Variants in CR1 observed in about 807,000 individuals in gnomAD.
CR1 encodes complement receptor type 1.
Under a neutral mutation model 187.3 loss-of-function variants are expected in CR1, and 116 were observed. The observed-to-expected ratio is 0.62, with a 90% confidence interval of 0.53 to 0.72. CR1 has a LOEUF of 0.72. Ranked by LOEUF, CR1 falls within the 30% of genes least tolerant of loss-of-function variation. The pLI is 0.00. For missense variants in CR1, 1,731 were observed against 2,110.7 expected (o/e 0.82, Z 3.52); for synonymous variants, 576 against 747.1 (o/e 0.77, Z 3.73).
intron 32 of CR1, among the ~76,000 whole-genome samples, chr1:207,582,695 T>C (rs1044792407): frequency 6.6e-6 from 1 of 152,054 alleles, no homozygotes; most frequent in South Asian, 2.1e-4. Context: ...AGGATAGCAA[T>C]TGGGAAAGGT....
chr1:207,622,476 CT>C (rs1662341660), intron 44 of CR1, among the ~76,000 whole-genome samples: 1 of 152,182 alleles, frequency 6.6e-6, no homozygotes, highest in African/African-American at 2.4e-5. Context: ...GCATATTACT[CT>C]TACATCCCTT....
At chr1:207,597,864 G>A (rs1008547808) in intron 35 of CR1, among the ~76,000 whole-genome samples, 3 of 152,180 alleles carry the variant, frequency 2.0e-5, no homozygotes, top group Admixed American at 1.3e-4. Flanking sequence ...ACGAGCAGAT[G>A]AATGGATAAA....
intron 35 of CR1, among the ~76,000 whole-genome samples, chr1:207,591,044 C>T (rs141282494): frequency 0.015 from 2,221 of 152,172 alleles, 33 homozygotes; most frequent in Middle Eastern, 0.044. Context: ...GACAGGTCAA[C>T]GAGACAGAAA....
chr1:207,593,689 A>C (rs989975300), intron 35 of CR1, among the ~76,000 whole-genome samples: 1 of 152,236 alleles, frequency 6.6e-6, no homozygotes, highest in Non-Finnish European at 1.5e-5. Flanking sequence ...AGAATGGGAG[A>C]AAATTTTTGC....
chr1:207,628,766 T>A (rs535280183), intron 45 of CR1, among the ~76,000 whole-genome samples: 1 of 152,352 alleles, frequency 6.6e-6, no homozygotes, highest in African/African-American at 2.4e-5. Flanking sequence ...CAATATTCTT[T>A]TTCTCCCTAT....
In CR1 at chr1:207,566,926, A is replaced by G. The variant is rs1485551718; in HGVS notation, c.3953-898A>G. Reference sequence around the variant, plus strand: ...ATTTTTAGAGTAAAATTTTGGAAGAACATAACTTATATAGAGATTCTTGCT... The same window carrying G: ...ATTTTTAGAGTAAAATTTTGGAAGAGCATAACTTATATAGAGATTCTTGCT... On this transcript the variant is annotated intron_variant, in intron 24 of 46. Transcript: ENST00000367049. 8.0e-5 allele frequency among the ~76,000 whole-genome samples: 12 copies of G among 150,470 alleles called. No homozygotes were observed. The South Asian group carries it at 2.5e-3, about 31-fold the overall frequency.
chr1:207,577,207 C>A (rs1210042132), intron 28 of CR1, among the ~76,000 whole-genome samples: 1 of 150,308 alleles, frequency 6.7e-6, no homozygotes, highest in Admixed American at 6.6e-5. Flanking sequence ...GCTGAGATCA[C>A]GCCACTGCAC....
At chr1:207,573,095 C>A (rs534596557) in intron 27 of CR1, among the ~76,000 whole-genome samples, 3 of 151,946 alleles carry the variant, frequency 2.0e-5, no homozygotes, top group South Asian at 4.1e-4. Context: ...GGGGGAGACA[C>A]AATTCAACCT....
At chr1:207,522,987 G>T (rs1279993719) in intron 4 of CR1, among the ~76,000 whole-genome samples, 1 of 152,102 alleles carries the variant, frequency 6.6e-6, no homozygotes, top group African/African-American at 2.4e-5. Context: ...TTGATGAAAT[G>T]AGTTGGTAAG....
In CR1 at chr1:207,588,668, C is replaced by T. The variant is rs1661182380; in HGVS notation, c.5711-7C>T. The T allele has an allele frequency of 1.2e-6, 2 of 1,600,836 alleles. No homozygotes were observed. Among genetic ancestry groups the T allele is most frequent in the South Asian group, 1.1e-5 (1 of 90,368 alleles). Reference sequence around the variant, plus strand: ...TATTTAATCCCAAATTCTGCTTCTTCCCCTAGGAAAATCATGTGGACCTCC... The same window carrying T: ...TATTTAATCCCAAATTCTGCTTCTTTCCCTAGGAAAATCATGTGGACCTCC... On this transcript the variant is annotated splice_region_variant and splice_polypyrimidine_tract_variant and intron_variant, in intron 34 of 46. Coordinates refer to ENST00000367049, the MANE Select transcript of CR1 (RefSeq NM_000651.6).
intron 40 of CR1, 49 bp from the exon 41 acceptor site, chr1:207,616,526 A>G (rs760771741): frequency 1.3e-6 from 2 of 1,586,148 alleles, no homozygotes; most frequent in Non-Finnish European, 1.7e-6. Flanking sequence ...TGTTTCAGTC[A>G]TCTTAAGTGA....
chr1:207,580,238 A>C lies in CR1; in HGVS notation c.4937-2A>C, dbSNP rs1660890298. ...AGTACTCTGGAACTGTCCTTTCCAC[A>C]GTGTGTCAGCCGCCTCCAGAAATCC... On this transcript the variant is annotated splice_acceptor_variant, in intron 29 of 46. Transcript: ENST00000367049. LOFTEE classifies it high-confidence loss of function. 5 of 1,613,550 alleles carry C rather than the reference A, an allele frequency of 3.1e-6. No homozygotes were observed. Among genetic ancestry groups the C allele is most frequent in the Non-Finnish European group, 4.2e-6 (5 of 1,179,598 alleles).
At chr1:207,576,630 C>G (rs1163463928) in intron 28 of CR1, among the ~76,000 whole-genome samples, 1 of 152,098 alleles carries the variant, frequency 6.6e-6, no homozygotes, top group Non-Finnish European at 1.5e-5. Flanking sequence ...CCAGCCTGTA[C>G]AACATGGTGA....
rs1456361309 is a variant in CR1 at position 207,567,715 on chromosome 1, G to C, written c.3953-109G>C. 1.0e-4 allele frequency: 141 copies of C among 1,406,698 alleles called. 5 individuals carry two copies. In the South Asian group the frequency reaches 1.7e-3, roughly 17 times the overall value. 87.1% of individuals were successfully genotyped at this position (1,406,698 alleles called of 1,614,324 possible). A position where few individuals can be genotyped will look rare whatever the true frequency, so the allele number is the denominator to read the frequency against. On this transcript the variant is annotated intron_variant, in intron 24 of 46. Transcript: ENST00000367049. ...ACTCTTCAAAGTCCTAATGTCTACT[G>C]TCATCTCCTTAGCATATTTTCAGCA... is the stretch of plus-strand genomic sequence containing the variant.
At chr1:207,633,142 T>C (rs1419461570) in intron 46 of CR1, among the ~76,000 whole-genome samples, 4 of 152,216 alleles carry the variant, frequency 2.6e-5, no homozygotes, top group Non-Finnish European at 4.4e-5. Context: ...CTAAATTCCC[T>C]GAACCCAGCT....
At chr1:207,498,265 A>G (rs1294018361) in intron 1 of CR1, among the ~76,000 whole-genome samples, 1 of 152,246 alleles carries the variant, frequency 6.6e-6, no homozygotes, top group African/African-American at 2.4e-5. Context: ...AGACTGCAGG[A>G]TCACCGAAAA....
chr1:207,633,697 C>T (rs1662721374), intron 46 of CR1, among the ~76,000 whole-genome samples: 1 of 152,184 alleles, frequency 6.6e-6, no homozygotes, highest in Non-Finnish European at 1.5e-5. Flanking sequence ...TGAGTATAAT[C>T]AAATGAGAAA....
chr1:207,576,137 G>A (rs1429014708), intron 28 of CR1, among the ~76,000 whole-genome samples: 1 of 152,182 alleles, frequency 6.6e-6, no homozygotes, highest in Non-Finnish European at 1.5e-5. Context: ...TTTGGAAGAT[G>A]AGCTTTCTAC....
In CR1 at chr1:207,630,628, A is replaced by G. The variant is rs1359499279; in HGVS notation, c.7457+7A>G. On this transcript the variant is annotated splice_region_variant and intron_variant, in intron 46 of 46. Coordinates refer to ENST00000367049, the MANE Select transcript of CR1 (RefSeq NM_000651.6). Reference sequence around the variant, plus strand: ...CAAATGAAGAAAATAGCAGGTACCTATATACATACTGAATTCAAAATGTTT... The same window carrying G: ...CAAATGAAGAAAATAGCAGGTACCTGTATACATACTGAATTCAAAATGTTT... The G allele has an allele frequency of 1.3e-6, 2 of 1,542,588 alleles. No homozygotes were observed. The highest frequency in any genetic ancestry group is 2.1e-5 in the Admixed American group (1 of 47,986).
Sources: gnomAD v4.1 joint callset for allele counts (sites outside exome capture counted in the v4.1 genomes callset) on GRCh38, gnomAD v4.1.1 for gene constraint, MANE v1.5 for transcripts, NCBI Gene and HGNC (gene_info 2026-07-23, HGNC 2026-07-21) for gene names.